The following PPARGC1B variants were observed in gnomAD, a reference collection of about 807,000 sequenced individuals.
The protein encoded by PPARGC1B is PPARG coactivator 1 beta, also known as peroxisome proliferator-activated receptor gamma coactivator 1-beta.
Under a neutral mutation model 101.6 loss-of-function variants are expected in PPARGC1B, and 34 were observed. That is an observed-to-expected ratio of 0.33 (90% CI 0.25 to 0.45). PPARGC1B has a LOEUF of 0.45. Among genes scored for constraint, PPARGC1B ranks in the 20% least tolerant of loss-of-function variants. The pLI is 1.00. For synonymous variants in PPARGC1B, 548 were observed against 539.3 expected (o/e 1.02, Z -0.22); for missense variants, 1,234 against 1,317.6 (o/e 0.94, Z 0.98).
chr5:149,743,435 G>A (rs1367315247), intron 1 of PPARGC1B, among the ~76,000 whole-genome samples: 6 of 152,178 alleles, frequency 3.9e-5, no homozygotes, highest in East Asian at 3.9e-4. Flanking sequence ...GATTCCAGGC[G>A]TGAGCCACCG....
chr5:149,800,971 G>C (rs367755902), intron 1 of PPARGC1B, among the ~76,000 whole-genome samples: 1 of 152,202 alleles, frequency 6.6e-6, no homozygotes, highest in Non-Finnish European at 1.5e-5. Flanking sequence ...ATCTAGAAAC[G>C]TTTGGATCTC....
intron 1 of PPARGC1B, among the ~76,000 whole-genome samples, chr5:149,750,297 TTTTTA>T (rs1755238688): frequency 6.6e-6 from 1 of 151,846 alleles, no homozygotes; most frequent in South Asian, 2.1e-4. Flanking sequence ...AGATTTTTTT[TTTTTA>T]AAGGAGCAAG....
In PPARGC1B at chr5:149,852,084, G is replaced by A. The variant is rs940449064; in HGVS notation, c.*4526G>A. The A allele has an allele frequency of 1.3e-5, 2 of 152,294 alleles. No homozygotes were observed. Among genetic ancestry groups the A allele is most frequent in the Admixed American group, 6.5e-5 (1 of 15,278 alleles). 9.4% of individuals were successfully genotyped at this position (152,294 alleles called of 1,614,324 possible). A position where few individuals can be genotyped will look rare whatever the true frequency, so the allele number is the denominator to read the frequency against. On this transcript the variant is annotated 3_prime_UTR_variant, in exon 12 of 12. Coordinates refer to ENST00000309241, the MANE Select transcript of PPARGC1B (RefSeq NM_133263.4). ...TGTCAGCAGCAGGAGAGCCAGTGCT[G>A]GGGCCAACCCTTTGCTGGCCTTTTG...
intron 1 of PPARGC1B, chr5:149,817,853 A>G (rs960341897): frequency 6.6e-6 from 3 of 456,410 alleles, no homozygotes; most frequent in African/African-American, 6.0e-5. Context: ...ATGGCCCAAC[A>G]GTTTCACTCG....
chr5:149,762,383 G>C (rs1755748894), intron 1 of PPARGC1B, among the ~76,000 whole-genome samples: 1 of 152,130 alleles, frequency 6.6e-6, no homozygotes. Context: ...CTGACCTCAA[G>C]TGATCCTCCC....
At chr5:149,823,804 T>C (rs540356787) in intron 2 of PPARGC1B, among the ~76,000 whole-genome samples, 1 of 152,256 alleles carries the variant, frequency 6.6e-6, no homozygotes, top group South Asian at 2.1e-4. Context: ...GAGAAGACTT[T>C]TGGTTTTACC....
rs1759068658 is a variant in PPARGC1B, at chr5:149,836,250, C to A, written c.1808-13C>A. On this transcript the variant is annotated splice_polypyrimidine_tract_variant and intron_variant, in intron 7 of 11. Transcript: ENST00000309241. ...TCTGTCTTTATCTTACCTTTCTCCT[C>A]TTCCTCGGGCAGGACTCACCCCACC... 1 of 1,534,954 alleles carries A rather than the reference C, an allele frequency of 6.5e-7. No homozygotes were observed. The highest frequency in any genetic ancestry group is 8.8e-7 in the Non-Finnish European group (1 of 1,142,284).
chr5:149,800,366 T>C (rs1757392327), intron 1 of PPARGC1B, among the ~76,000 whole-genome samples: 1 of 152,156 alleles, frequency 6.6e-6, no homozygotes, highest in Non-Finnish European at 1.5e-5. Flanking sequence ...GCTAGAAAGA[T>C]ATCACCAAGA....
chr5:149,845,707 C>A, intron 10 of PPARGC1B, 53 bp from the exon 11 acceptor site: 1 of 1,526,878 alleles, frequency 6.5e-7, no homozygotes, highest in South Asian at 1.3e-5. Flanking sequence ...GGTGGTCTCA[C>A]AGTGTCCACC....
Position 149,799,690 on chromosome 5 carries a change from G to GTTTTTTTTT in PPARGC1B, c.79-20741_79-20740insTTTTTTTTT, listed in dbSNP as rs369350284. On this transcript the variant is annotated intron_variant, in intron 1 of 11. Transcript: ENST00000309241. ...TTTTTTGTTTGTTTGTTTGCTTGTT[G>GTTTTTTTTT]TTGTTTTTTTTTTTTTTTTTTTTTG... is the stretch of plus-strand genomic sequence containing the variant. 1.8e-3 allele frequency among the ~76,000 whole-genome samples: 117 copies of GTTTTTTTTT among 65,030 alleles called. 3 individuals are homozygous for GTTTTTTTTT. The highest frequency in any genetic ancestry group is 4.8e-3 in the South Asian group (8 of 1,676). 42.7% of individuals were successfully genotyped at this position (65,030 alleles called of 152,430 possible). A position where few individuals can be genotyped will look rare whatever the true frequency, so the allele number is the denominator to read the frequency against.
downstream of PPARGC1B, among the ~76,000 whole-genome samples, chr5:149,856,771 CTTT>C (rs562000427): frequency 4.8e-4 from 62 of 129,074 alleles, no homozygotes; most frequent in African/African-American, 1.6e-3. Flanking sequence ...AGCTGCTTGG[CTTT>C]TTTTTTTTTT....
At chr5:149,783,811 G>A (rs541070096) in intron 1 of PPARGC1B, among the ~76,000 whole-genome samples, 26 of 152,290 alleles carry the variant, frequency 1.7e-4, no homozygotes, top group African/African-American at 6.0e-4. Flanking sequence ...CAGAGGAGAG[G>A]TAGTTGTGTG....
downstream of PPARGC1B, among the ~76,000 whole-genome samples, chr5:149,856,032 G>A (rs572329851): frequency 1.3e-5 from 2 of 152,224 alleles, no homozygotes; most frequent in South Asian, 2.1e-4. Context: ...CAGGAGAATC[G>A]CTTGAACCCG....
chr5:149,788,407 A>G (rs992848223), intron 1 of PPARGC1B, among the ~76,000 whole-genome samples: 2 of 152,244 alleles, frequency 1.3e-5, no homozygotes, highest in African/African-American at 2.4e-5. Flanking sequence ...AATGGCGATC[A>G]TTAAAAAGTC....
chr5:149,777,335 C>A (rs1320730489), intron 1 of PPARGC1B, among the ~76,000 whole-genome samples: 1 of 152,176 alleles, frequency 6.6e-6, no homozygotes. Flanking sequence ...ACACATGCCA[C>A]GGTTGCTGAG....
intron 1 of PPARGC1B, among the ~76,000 whole-genome samples, chr5:149,741,688 C>T (rs1581000296): frequency 6.7e-6 from 1 of 149,536 alleles, no homozygotes; most frequent in Non-Finnish European, 1.5e-5. Flanking sequence ...AGTGCAGTGG[C>T]GCGATCTCAG....
At chr5:149,840,157 C>T (rs1401008794) in intron 9 of PPARGC1B, 41 bp downstream of exon 9, 7 of 1,578,502 alleles carry the variant, frequency 4.4e-6, no homozygotes, top group South Asian at 3.5e-5. Flanking sequence ...TGAATGGGAA[C>T]GGACAGGAAG....
chr5:149,824,219 A>G (rs17653577), intron 2 of PPARGC1B, among the ~76,000 whole-genome samples: 7,040 of 152,224 alleles, frequency 0.046, 314 homozygotes, highest in Admixed American at 0.14. Flanking sequence ...ATAATTCACA[A>G]TATCTCTGGG....
chr5:149,794,524 GCA>G (rs35484083), intron 1 of PPARGC1B, among the ~76,000 whole-genome samples: 3,761 of 143,602 alleles, frequency 0.026, 98 homozygotes, highest in African/African-American at 0.07. Flanking sequence ...ATGTGAGCGT[GCA>G]CACACACACA....
Sources: allele counts gnomAD v4.1 joint callset (sites outside exome capture counted in the v4.1 genomes callset), GRCh38; gene constraint gnomAD v4.1.1; transcripts MANE v1.5; gene names NCBI Gene and HGNC (gene_info 2026-07-23, HGNC 2026-07-21).